Variants in SCAF8 observed in about 807,000 individuals in gnomAD.
The protein encoded by SCAF8 is SR-related and CTD-associated factor 8.
A neutral mutation model predicts 140.5 loss-of-function variants in SCAF8; 23 were observed. The observed-to-expected ratio is 0.16, with a 90% CI of 0.12 to 0.23. The LOEUF (loss-of-function observed/expected upper bound fraction) is 0.23. Ranked by LOEUF, SCAF8 falls within the 10% of genes least tolerant of loss-of-function variation. SCAF8 has a pLI of 1.00. For synonymous variants in SCAF8, 575 were observed against 528.9 expected (o/e 1.09, Z -1.20); for missense variants, 1,397 against 1,555.7 (o/e 0.90, Z 1.72).
chr6:154,798,780 C>CA (rs1324303136), intron 6 of SCAF8, among the ~76,000 whole-genome samples: 3 of 151,182 alleles, frequency 2.0e-5, no homozygotes, highest in Admixed American at 2.0e-4. Context: ...CTGTCTCACT[C>CA]AGAGTAAAAG....
intron 1 of SCAF8, among the ~76,000 whole-genome samples, chr6:154,757,370 A>G (rs1340009652): frequency 6.6e-6 from 1 of 152,228 alleles, no homozygotes; most frequent in African/African-American, 2.4e-5. Flanking sequence ...GTCAAAAGTA[A>G]AGTTCTGAGG....
intron 8 of SCAF8, among the ~76,000 whole-genome samples, chr6:154,804,923 G>C (rs941543785): frequency 6.6e-6 from 1 of 152,086 alleles, no homozygotes; most frequent in Non-Finnish European, 1.5e-5. Context: ...AAGAATATTA[G>C]TTTTATAAAT....
intron 11 of SCAF8, 47 bp from the exon 12 acceptor site, chr6:154,809,968 T>A: frequency 6.8e-7 from 1 of 1,467,496 alleles, no homozygotes; most frequent in Non-Finnish European, 9.3e-7. Context: ...ACAGATTTGG[T>A]AGAAAGAAAA....
chr6:154,805,836 C>T (rs1019271422), intron 9 of SCAF8, among the ~76,000 whole-genome samples: 2 of 152,046 alleles, frequency 1.3e-5, no homozygotes, highest in African/African-American at 4.8e-5. Context: ...ACGTGTTTTT[C>T]TCTCTGTTCC....
At chr6:154,816,044 G>A (rs909317504) in intron 13 of SCAF8, among the ~76,000 whole-genome samples, 2 of 152,106 alleles carry the variant, frequency 1.3e-5, no homozygotes, top group Non-Finnish European at 2.9e-5. Flanking sequence ...GAGTTTTATA[G>A]CAGTGTACCA....
intron 9 of SCAF8, among the ~76,000 whole-genome samples, chr6:154,807,207 C>T (rs570603785): frequency 1.6e-4 from 25 of 152,188 alleles, no homozygotes; most frequent in Non-Finnish European, 3.4e-4. Context: ...TGAGAGAGAG[C>T]GAGTCTGTTG....
intron 1 of SCAF8, among the ~76,000 whole-genome samples, chr6:154,739,466 C>T (rs975944134): frequency 1.3e-5 from 2 of 152,070 alleles, no homozygotes; most frequent in Non-Finnish European, 1.5e-5. Flanking sequence ...TAGCCTTTCC[C>T]CCATGATCTA....
At chr6:154,793,573 G>C (rs1166652679) in intron 5 of SCAF8, among the ~76,000 whole-genome samples, 1 of 151,610 alleles carries the variant, frequency 6.6e-6, no homozygotes, top group Non-Finnish European at 1.5e-5. Context: ...CTAGCACTTT[G>C]GGAGGCCGAG....
In SCAF8 at chr6:154,778,060, T is replaced by A. The variant is rs1451572338; in HGVS notation, c.159+15T>A. On this transcript the variant is annotated intron_variant, in intron 3 of 19. Transcript: ENST00000367178. ...TTATTCAGAAAGTAAGTATATAATT[T>A]TCCATACATGTGCTGTAATTGTAGA... 1 of 1,430,042 alleles carries A rather than the reference T, an allele frequency of 7.0e-7. No homozygotes were observed. The highest frequency in any genetic ancestry group is 9.8e-7 in the Non-Finnish European group (1 of 1,019,170). 88.6% of individuals were successfully genotyped at this position (1,430,042 alleles called of 1,614,324 possible).
At chr6:154,762,309 T>G (rs1776428750) in intron 1 of SCAF8, among the ~76,000 whole-genome samples, 1 of 152,240 alleles carries the variant, frequency 6.6e-6, no homozygotes, top group African/African-American at 2.4e-5. Flanking sequence ...CATTTGAAAC[T>G]TCGGGCCCTC....
At chr6:154,809,964 T>C (rs1778040958) in intron 11 of SCAF8, 51 bp from the exon 12 acceptor site, 2 of 1,437,278 alleles carry the variant, frequency 1.4e-6, no homozygotes, top group Non-Finnish European at 1.9e-6. Context: ...AGTGACAGAT[T>C]TGGTAGAAAG....
chr6:154,735,496 A>G (rs1778390751), intron 1 of SCAF8, among the ~76,000 whole-genome samples: 2 of 150,892 alleles, frequency 1.3e-5, no homozygotes, highest in South Asian at 4.2e-4. Flanking sequence ...TTGATAAATT[A>G]GAGCAATAGA....
At chr6:154,770,189 C>T (rs555244037) in intron 1 of SCAF8, among the ~76,000 whole-genome samples, 2 of 152,138 alleles carry the variant, frequency 1.3e-5, no homozygotes, top group African/African-American at 4.8e-5. Context: ...TGGCTCACAC[C>T]TGTAATCTCA....
intron 1 of SCAF8, among the ~76,000 whole-genome samples, chr6:154,735,519 CT>C (rs11406318): frequency 6.7e-4 from 91 of 135,480 alleles, no homozygotes; most frequent in Non-Finnish European, 6.5e-4. Flanking sequence ...TGGGAATCTT[CT>C]TTTTTTTTTT....
intron 2 of SCAF8, 143 bp downstream of exon 2, chr6:154,774,215 A>G (rs1776854318): frequency 1.6e-6 from 1 of 625,060 alleles, no homozygotes; most frequent in Non-Finnish European, 2.8e-6. Context: ...AAAAAAGAAA[A>G]TCTGTCACCT....
intron 1 of SCAF8, among the ~76,000 whole-genome samples, chr6:154,737,411 C>G (rs1352206017): frequency 6.6e-6 from 1 of 152,164 alleles, no homozygotes; most frequent in Admixed American, 6.5e-5. Context: ...CTCGATGGGT[C>G]ATGCCTGTAA....
rs1260163262 is a variant in SCAF8 at position 154,795,770 on chromosome 6, CAT to C, written c.606+632_606+633del. Among the ~76,000 whole-genome samples the C allele has an allele frequency of 3.9e-5, 6 of 152,298 alleles. No homozygotes were observed. In the East Asian group the frequency reaches 9.6e-4, roughly 24 times the overall value. ...TCAGGAATAGAGGGGAATCACAAAACATGTACGAATTGATTCAGGAATGGGAA... is the reference window on the plus strand; with the variant it reads ...TCAGGAATAGAGGGGAATCACAAAACGTACGAATTGATTCAGGAATGGGAA... On this transcript the variant is annotated intron_variant, in intron 6 of 19. Transcript: ENST00000367178.
chr6:154,765,570 T>C (rs907067097), intron 1 of SCAF8, among the ~76,000 whole-genome samples: 1 of 152,202 alleles, frequency 6.6e-6, no homozygotes, highest in Non-Finnish European at 1.5e-5. Flanking sequence ...TTCAGATTAG[T>C]AGAATAAACA....
chr6:154,781,459 GA>G (rs2114858618), intron 3 of SCAF8, among the ~76,000 whole-genome samples: 1 of 152,256 alleles, frequency 6.6e-6, no homozygotes, highest in South Asian at 2.1e-4. Flanking sequence ...AACTACCACT[GA>G]CATTTTTCAC....
Sources: gnomAD v4.1 joint callset for allele counts (sites outside exome capture counted in the v4.1 genomes callset) on GRCh38, gnomAD v4.1.1 for gene constraint, MANE v1.5 for transcripts, NCBI Gene and HGNC (gene_info 2026-07-23, HGNC 2026-07-21) for gene names.